Variants in MAP3K20 observed in about 807,000 individuals in gnomAD.
MAP3K20 encodes HCCS-4.
A neutral mutation model predicts 85.7 loss-of-function variants in MAP3K20; 40 were observed. That is an observed-to-expected ratio of 0.47 (90% CI 0.36 to 0.61). MAP3K20 has a LOEUF of 0.61. Among genes scored for constraint, MAP3K20 ranks in the 20% least tolerant of loss-of-function variants. MAP3K20 has a pLI of 0.00. For synonymous variants in MAP3K20, 325 were observed against 327.7 expected, an observed-to-expected ratio of 0.99 and a Z score of 0.09; for missense variants, 817 against 961.7, an observed-to-expected ratio of 0.85 and a Z score of 1.99.
At chr2:173,209,403 C>CA (rs1363891410) in intron 9 of MAP3K20, among the ~76,000 whole-genome samples, 1 of 152,222 alleles carries the variant, frequency 6.6e-6, no homozygotes, top group East Asian at 1.9e-4. Context: ...TAAAGGACTT[C>CA]ACTGTTTCCT....
At chr2:173,200,125 ACTTC>A (rs1247311125) in intron 8 of MAP3K20, among the ~76,000 whole-genome samples, 7 of 152,322 alleles carry the variant, frequency 4.6e-5, no homozygotes, top group African/African-American at 1.7e-4. Flanking sequence ...TTTCTAATGA[ACTTC>A]AGTAAAATTG....
intron 11 of MAP3K20, 34 bp downstream of exon 11, chr2:173,217,284 T>C (rs1275217280): frequency 6.6e-6 from 10 of 1,514,226 alleles, no homozygotes; most frequent in Non-Finnish European, 8.9e-6. Flanking sequence ...TCTTTCCACA[T>C]GCGGCTCTAG....
intron 2 of MAP3K20, among the ~76,000 whole-genome samples, chr2:173,162,403 C>G (rs540901869): frequency 6.6e-6 from 1 of 151,696 alleles, no homozygotes; most frequent in African/African-American, 2.4e-5. Flanking sequence ...TGTTGAGGAC[C>G]GGCTGGGCAT....
chr2:173,232,493 AC>A (rs774249431), intron 14 of MAP3K20, 34 bp downstream of exon 14: 3 of 1,601,436 alleles, frequency 1.9e-6, no homozygotes, highest in Non-Finnish European at 2.6e-6. Context: ...CCATCAGCAA[AC>A]CCTTTTTTTG....
chr2:173,259,835 A>G (rs973654181), intron 17 of MAP3K20, among the ~76,000 whole-genome samples: 10 of 152,190 alleles, frequency 6.6e-5, no homozygotes, highest in Non-Finnish European at 1.5e-5. Flanking sequence ...AGGACACAGT[A>G]TGTTGTCTTG....
At chr2:173,088,121 C>T (rs962206212) in intron 1 of MAP3K20, among the ~76,000 whole-genome samples, 4 of 151,820 alleles carry the variant, frequency 2.6e-5, no homozygotes, top group Admixed American at 6.6e-5. Flanking sequence ...TTTTGCAGCT[C>T]GTGGGAGAGA....
At chr2:173,184,274 T>C (rs1266890602) in intron 4 of MAP3K20, among the ~76,000 whole-genome samples, 1 of 152,196 alleles carries the variant, frequency 6.6e-6, no homozygotes, top group Non-Finnish European at 1.5e-5. Flanking sequence ...TAAATGCATA[T>C]ATAGGTAGTA....
At chr2:173,197,203 CAT>C (rs1231927976) in intron 7 of MAP3K20, among the ~76,000 whole-genome samples, 2 of 152,134 alleles carry the variant, frequency 1.3e-5, no homozygotes, top group Non-Finnish European at 2.9e-5. Flanking sequence ...GGAAAAGTAA[CAT>C]AGTATACAAA....
At chr2:173,210,101 C>T (rs1375249089) in intron 10 of MAP3K20, 1 of 373,674 alleles carries the variant, frequency 2.7e-6, no homozygotes, top group Admixed American at 4.2e-5. Flanking sequence ...CCTGTAATCC[C>T]AGCTCTTTGG....
chr2:173,147,322 G>A (rs1223574658), intron 2 of MAP3K20, among the ~76,000 whole-genome samples: 1 of 152,164 alleles, frequency 6.6e-6, no homozygotes, highest in Non-Finnish European at 1.5e-5. Context: ...TATAGTTTTA[G>A]CTCATACATT....
chr2:173,263,701 C>T, intron 18 of MAP3K20, 44 bp from the exon 19 acceptor site: 1 of 1,575,260 alleles, frequency 6.3e-7, no homozygotes, highest in Non-Finnish European at 8.6e-7. Flanking sequence ...TCATATGTTT[C>T]TATTTGTCTT....
intron 7 of MAP3K20, among the ~76,000 whole-genome samples, chr2:173,194,301 A>G (rs949610924): frequency 2.0e-5 from 3 of 152,148 alleles, no homozygotes; most frequent in African/African-American, 4.8e-5. Context: ...AATGGCAAAA[A>G]CTGCAATTAC....
At position 173,239,497 on chromosome 2, in the gene MAP3K20, G is replaced by A. The variant is rs1404350946; in HGVS notation, c.1359+1G>A. The stretch of plus-strand genomic sequence containing the variant: ...CTTGAAACCAGGAACTGGCCCACAG[G>A]TAAATCACATTTTAAATCCTTTGGA... On this transcript the variant is annotated splice_donor_variant, in intron 16 of 19. Coordinates refer to ENST00000375213, the MANE Select transcript of MAP3K20 (RefSeq NM_016653.3). LOFTEE classifies it high-confidence loss of function. 1 of 1,609,614 alleles carries A rather than the reference G, an allele frequency of 6.2e-7. No individual in the cohort carries two copies. The highest frequency in any genetic ancestry group is 8.5e-7 in the Non-Finnish European group (1 of 1,178,848).
intron 11 of MAP3K20, chr2:173,224,400 AT>A (rs1684331392): frequency 1.0e-6 from 1 of 985,210 alleles, no homozygotes; most frequent in Non-Finnish European, 1.2e-6. Context: ...AATCCATATG[AT>A]TATACATAAA....
chr2:173,175,154 G>A (rs753882199), intron 3 of MAP3K20, among the ~76,000 whole-genome samples: 1 of 152,060 alleles, frequency 6.6e-6, no homozygotes, highest in Non-Finnish European at 1.5e-5. Context: ...AACTAGCTTT[G>A]ATTGAGGTCA....
At chr2:173,083,196 A>G (rs1687056614) in intron 1 of MAP3K20, among the ~76,000 whole-genome samples, 1 of 152,132 alleles carries the variant, frequency 6.6e-6, no homozygotes, top group Non-Finnish European at 1.5e-5. Flanking sequence ...GTTCTCTCAG[A>G]TATCTATGCC....
intron 1 of MAP3K20, among the ~76,000 whole-genome samples, chr2:173,082,429 C>T (rs1309266280): frequency 6.6e-6 from 1 of 152,172 alleles, no homozygotes; most frequent in East Asian, 1.9e-4. Flanking sequence ...CTTGCATTCA[C>T]CCTTCTCAGG....
At chr2:173,083,925 C>G (rs906390167) in intron 1 of MAP3K20, among the ~76,000 whole-genome samples, 9 of 152,050 alleles carry the variant, frequency 5.9e-5, no homozygotes, top group Non-Finnish European at 1.2e-4. Flanking sequence ...AACTGGCAAC[C>G]TTACTTTTTG....
At chr2:173,078,637 A>G (rs1686931625) in intron 1 of MAP3K20, among the ~76,000 whole-genome samples, 1 of 152,232 alleles carries the variant, frequency 6.6e-6, no homozygotes, top group African/African-American at 2.4e-5. Flanking sequence ...ATCCCAGCAC[A>G]GTAGAAGAAT....
Sources: allele counts gnomAD v4.1 joint callset (sites outside exome capture counted in the v4.1 genomes callset), GRCh38; gene constraint gnomAD v4.1.1; transcripts MANE v1.5; gene names NCBI Gene and HGNC (gene_info 2026-07-23, HGNC 2026-07-21).